Variants in TJP3 observed in about 807,000 individuals in gnomAD.
The protein encoded by TJP3 is tight junction protein 3.
TJP3 carries 85 observed loss-of-function variants against 104.2 expected under a neutral mutation model. That is an observed-to-expected ratio of 0.82 (90% CI 0.68 to 0.98). The LOEUF is 0.98. Ranked by LOEUF, TJP3 falls within the 50% of genes least tolerant of loss-of-function variation. TJP3 has a pLI of 0.00. For missense variants in TJP3, 1,367 were observed against 1,322.8 expected (o/e 1.03, Z -0.52); for synonymous variants, 550 against 550.6 (o/e 1.00, Z 0.02).
rs561482981 is a variant in TJP3 at position 3,715,378 on chromosome 19, C to T, written c.-10+6817C>T. Among the ~76,000 whole-genome samples the T allele has an allele frequency of 1.7e-4, 26 of 152,214 alleles. No individual in the cohort carries two copies. The South Asian group carries it at 3.3e-3, about 19-fold the overall frequency. ...TGCTGGGATTACAGGTGTGAGCCAC[C>T]GCGCCCGGCCAAAAGCAGGTTTTTA... On this transcript the variant is annotated intron_variant, in intron 1 of 20. Coordinates refer to ENST00000541714, the MANE Select transcript of TJP3 (RefSeq NM_001267560.2).
intron 1 of TJP3, among the ~76,000 whole-genome samples, chr19:3,708,911 G>T (rs1327629204): frequency 6.6e-6 from 1 of 152,186 alleles, no homozygotes; most frequent in African/African-American, 2.4e-5. Flanking sequence ...TCCAGACGGA[G>T]CCTGGGTTTA....
At chr19:3,749,670 A>C (rs2036963507) in intron 19 of TJP3, 1 of 160,592 alleles carries the variant, frequency 6.2e-6, no homozygotes, top group Non-Finnish European at 1.4e-5. Flanking sequence ...AACAGTAACA[A>C]ATGTGTATGT....
intron 5 of TJP3, among the ~76,000 whole-genome samples, chr19:3,731,493 C>T (rs1047562368): frequency 3.3e-5 from 5 of 151,940 alleles, no homozygotes; most frequent in African/African-American, 9.7e-5. Flanking sequence ...ATTAGCCAGG[C>T]GTGGTGGTGT....
At chr19:3,718,580 T>C (rs1410322545) in intron 1 of TJP3, among the ~76,000 whole-genome samples, 1 of 151,122 alleles carries the variant, frequency 6.6e-6, no homozygotes, top group Non-Finnish European at 1.5e-5. Context: ...GTAATTCTCC[T>C]GCCTCAGCCT....
chr19:3,743,895 C>A (rs747401040), intron 14 of TJP3, 44 bp from the exon 15 acceptor site: 1 of 1,585,594 alleles, frequency 6.3e-7, no homozygotes, highest in Admixed American at 1.7e-5. Flanking sequence ...AGTCTTTGAT[C>A]GCAAATGGGA....
chr19:3,746,400 C>T lies in TJP3; in HGVS notation c.2011-85C>T. 6.7e-7 allele frequency: 1 copy of T among 1,483,726 alleles called. No homozygotes were observed. The allele number at this position is 1,483,726 out of a possible 1,614,324, so 91.9% of individuals were successfully genotyped here. A position where few individuals can be genotyped will look rare whatever the true frequency, so the allele number is the denominator to read the frequency against. On this transcript the variant is annotated intron_variant, in intron 16 of 20. Coordinates refer to ENST00000541714, the MANE Select transcript of TJP3 (RefSeq NM_001267560.2). The surrounding 1 kb of genome is among the most constrained non-coding windows in gnomAD (Gnocchi z 4.1). The stretch of plus-strand genomic sequence containing the variant: ...GTGAGAGGCTGGGGTCCACTCTGAC[C>T]TCAGACTCTTCATCTTTCTATCTTT...
chr19:3,739,619 A>G (rs534170664), intron 13 of TJP3, among the ~76,000 whole-genome samples: 1 of 152,342 alleles, frequency 6.6e-6, no homozygotes, highest in Non-Finnish European at 1.5e-5. Context: ...GCTGTAACAG[A>G]TGCCCAGAAA....
chr19:3,750,171 C>A lies in TJP3; in HGVS notation c.2644C>A (p.Gln882Lys). ...DSRHPQGQWR[Q>K]DSMRTYEREA... ...CCGCCACCCCCAGGGACAGTGGCGA[C>A]AGGACAGCATGCGGTAAGAACCCCA... Residue 882 changes from glutamine (Q) to lysine (K), a missense_variant, in exon 20 of 21, where the codon CAG (glutamine) becomes AAG (lysine). Gln to Lys is a moderately conservative substitution (Grantham distance 53). Transcript: ENST00000541714. 6.2e-7 allele frequency: 1 copy of A among 1,613,428 alleles called. No homozygotes were observed. Among genetic ancestry groups the A allele is most frequent in the Non-Finnish European group, 8.5e-7 (1 of 1,179,916 alleles).
At position 3,730,469 on chromosome 19, in the gene TJP3, C is replaced by G; in HGVS notation, c.376C>G (p.Gln126Glu). The G allele has an allele frequency of 6.3e-7, 1 of 1,584,414 alleles. No individual in the cohort carries two copies. ...DGPQRVEEVDQGRGYDGDSSS... is the reference protein window; with the variant it reads ...DGPQRVEEVDEGRGYDGDSSS... ...GCCCCAGCGGGTGGAGGAGGTGGAC[C>G]AGGGCCGGGGCTATGACGGCGACTC... Residue 126 changes from glutamine (Q) to glutamate (E), a missense_variant, in exon 5 of 21, where the codon CAG (glutamine) becomes GAG (glutamate). Gln to Glu is a conservative substitution (Grantham distance 29). Transcript: ENST00000541714. The surrounding 1 kb of genome is among the most constrained non-coding windows in gnomAD (Gnocchi z 7.3).
At chr19:3,748,654 C>T (rs567490288) in intron 19 of TJP3, among the ~76,000 whole-genome samples, 60 of 150,048 alleles carry the variant, frequency 4.0e-4, no homozygotes, top group African/African-American at 1.2e-3. Flanking sequence ...CCACAACCTC[C>T]GCCTCCCAGG....
rs918568547 is a variant in TJP3, at chr19:3,713,336, C to G, written c.-10+4775C>G. Among the ~76,000 whole-genome samples the G allele has an allele frequency of 5.3e-5, 8 of 152,224 alleles. No homozygotes were observed. The East Asian group carries it at 1.5e-3, about 29-fold the overall frequency. On this transcript the variant is annotated intron_variant, in intron 1 of 20. Transcript: ENST00000541714. Reference sequence around the variant, plus strand: ...TCCCAGGGTCCCCCAAAACCCATGACGCCAGTCTAGTCATGAGGGAAACAG... The same window carrying G: ...TCCCAGGGTCCCCCAAAACCCATGAGGCCAGTCTAGTCATGAGGGAAACAG...
intron 19 of TJP3, among the ~76,000 whole-genome samples, 186 bp downstream of exon 19, chr19:3,748,267 A>ATTTTTTT (rs1274711670): frequency 2.5e-5 from 3 of 119,740 alleles, no homozygotes; most frequent in African/African-American, 9.8e-5. Flanking sequence ...AACTTGCAGC[A>ATTTTTTT]TTTTTTTTTT....
chr19:3,736,413 C>A, intron 11 of TJP3, 92 bp downstream of exon 11: 3 of 1,320,072 alleles, frequency 2.3e-6, no homozygotes, highest in Non-Finnish European at 3.0e-6. Context: ...CCCTTGGGTC[C>A]ACCTGGGGAC....
Position 3,746,965 on chromosome 19 carries a change from A to T in TJP3, c.2322+89A>T. The stretch of plus-strand genomic sequence containing the variant: ...GGGTTTGGGGCCTCTGTCGGGAGTT[A>T]GGGCTTGGTCAGGGATCAGGACTGT... On this transcript the variant is annotated intron_variant, in intron 18 of 20. Coordinates refer to ENST00000541714, the MANE Select transcript of TJP3 (RefSeq NM_001267560.2). This position sits in a 1 kb window ranked among gnomAD's most constrained non-coding sequence, Gnocchi z 4.1. The T allele has an allele frequency of 7.7e-7, 1 of 1,306,460 alleles. No individual in the cohort carries two copies. The highest frequency in any genetic ancestry group is 1.1e-6 in the Non-Finnish European group (1 of 933,622). The allele number at this position is 1,306,460 out of a possible 1,614,324, so 80.9% of individuals were successfully genotyped here. A position where few individuals can be genotyped will look rare whatever the true frequency, so the allele number is the denominator to read the frequency against.
At chr19:3,721,879 C>G (rs565775571) in intron 1 of TJP3, 2 of 1,227,022 alleles carry the variant, frequency 1.6e-6, no homozygotes, top group Non-Finnish European at 2.0e-6. Context: ...GGCTGGAGAG[C>G]CCCCAGGTGG....
chr19:3,710,725 C>T (rs756182024), intron 1 of TJP3, among the ~76,000 whole-genome samples: 15 of 151,600 alleles, frequency 9.9e-5, no homozygotes, highest in Non-Finnish European at 1.9e-4. Context: ...TTACTGTATG[C>T]GCGAGTGTGG....
intron 14 of TJP3, among the ~76,000 whole-genome samples, chr19:3,743,067 C>T (rs1329906613): frequency 3.3e-5 from 5 of 151,846 alleles, no homozygotes; most frequent in Non-Finnish European, 7.4e-5. Flanking sequence ...AGTTCGAGAT[C>T]AGCTTGACCA....
In TJP3 at chr19:3,739,154, G is replaced by C. The variant is rs1304764177; in HGVS notation, c.1631+20G>C. 1 of 1,500,718 alleles carries C rather than the reference G, an allele frequency of 6.7e-7. No homozygotes were observed. The highest frequency in any genetic ancestry group is 1.3e-5 in the South Asian group (1 of 76,276). 93.0% of individuals were successfully genotyped at this position (1,500,718 alleles called of 1,614,324 possible). ...GAGCAGGTGGGGACTGTGTGCTCCT[G>C]CAGTGGGGCACTTCTGCTTCAGCCT... On this transcript the variant is annotated intron_variant, in intron 13 of 20. Transcript: ENST00000541714.
In TJP3 at chr19:3,747,916, G is replaced by GTACACGGATGGCGAGGGC. The variant is rs774295641; in HGVS notation, c.2451_2468dup (p.Tyr822_Gly827dup). 1.2e-6 allele frequency: 2 copies of GTACACGGATGGCGAGGGC among 1,613,198 alleles called. No homozygotes were observed. The highest frequency in any genetic ancestry group is 1.7e-6 in the Non-Finnish European group (2 of 1,179,900). On this transcript the variant is annotated inframe_insertion, in exon 19 of 21. Transcript: ENST00000541714. ...ACGAGACGGACGGCGAGGGCGGCGC[G>GTACACGGATGGCGAGGGC]TACACGGATGGCGAGGGCTACACAG... is the stretch of plus-strand genomic sequence containing the variant.
Sources: gnomAD v4.1 joint callset for allele counts (sites outside exome capture counted in the v4.1 genomes callset) on GRCh38, gnomAD v4.1.1 for gene constraint, Gnocchi (gnomAD v3.1) non-coding constraint, MANE v1.5 for transcripts, NCBI Gene and HGNC (gene_info 2026-07-23, HGNC 2026-07-21) for gene names.